Variants in STXBP4 observed in about 807,000 individuals in gnomAD.
STXBP4 encodes syntaxin-binding protein 4.
In STXBP4, 55 loss-of-function variants were observed where a neutral mutation model predicts 76.1. The observed-to-expected ratio is 0.72, with a 90% CI of 0.58 to 0.91. The LOEUF (loss-of-function observed/expected upper bound fraction) is 0.91, where lower values mean the gene tolerates loss of function less well. STXBP4 is among the 40% of genes least tolerant of loss of function. The probability of loss-of-function intolerance (pLI) is 0.00; values close to 1 mark genes in which losing one functional copy is unlikely to be tolerated. For synonymous variants in STXBP4, 201 were observed against 220.2 expected, an observed-to-expected ratio of 0.91 and a Z score of 0.77; for missense variants, 618 against 636.9, an observed-to-expected ratio of 0.97 and a Z score of 0.32.
the STXBP4 span, among the ~76,000 whole-genome samples, chr17:55,195,102 T>A: frequency 1.3e-5 from 2 of 152,172 alleles, no homozygotes; most frequent in Admixed American, 6.6e-5. Context: ...AACATCTAGG[T>A]CACCTTATGG....
intron 12 of STXBP4, among the ~76,000 whole-genome samples, chr17:55,057,242 G>C (rs12450656): frequency 0.011 from 1,742 of 152,272 alleles, 77 homozygotes; most frequent in East Asian, 0.11. Flanking sequence ...GGAGTTAAAA[G>C]TACAGAAAAT....
intron 16 of STXBP4, among the ~76,000 whole-genome samples, chr17:55,095,881 A>C (rs575442801): frequency 2.4e-4 from 36 of 152,240 alleles, no homozygotes; most frequent in African/African-American, 8.2e-4. Flanking sequence ...TTCCTAATAA[A>C]TCCTGTGAGT....
intron 12 of STXBP4, among the ~76,000 whole-genome samples, chr17:55,048,182 G>A (rs1025372765): frequency 2.0e-5 from 3 of 151,800 alleles, no homozygotes; most frequent in African/African-American, 7.2e-5. Context: ...GATCAATAGA[G>A]AATGGATAGA....
At chr17:54,982,875 C>G (rs748391000) in intron 1 of STXBP4, among the ~76,000 whole-genome samples, 2 of 152,150 alleles carry the variant, frequency 1.3e-5, no homozygotes, top group African/African-American at 2.4e-5. Flanking sequence ...TCTCATTCCA[C>G]TTTTTTGGTG....
At chr17:55,003,168 G>A (rs2077947476) in intron 7 of STXBP4, among the ~76,000 whole-genome samples, 1 of 152,136 alleles carries the variant, frequency 6.6e-6, no homozygotes, top group African/African-American at 2.4e-5. Flanking sequence ...ACAAATAAAA[G>A]CATAGAACTA....
chr17:55,164,434 A>ATTTATT lies in STXBP4; in HGVS notation c.*4526_*4527insATTTTT. The ATTTATT allele has an allele frequency of 1.3e-5, 1 of 76,606 alleles. No individual in the cohort carries two copies. The highest frequency in any genetic ancestry group is 2.7e-5 in the Non-Finnish European group (1 of 36,784). 4.7% of individuals were successfully genotyped at this position (76,606 alleles called of 1,614,324 possible). Reference sequence around the variant, plus strand: ...TTCTCTATATCACTCTACCCTGTTTATTTCTTTTTTTTTTTTTTTTTTTTT... The same window carrying ATTTATT: ...TTCTCTATATCACTCTACCCTGTTTATTTATTTTTCTTTTTTTTTTTTTTTTTTTTT... On this transcript the variant is annotated 3_prime_UTR_variant, in exon 18 of 18. Transcript: ENST00000376352.
intron 12 of STXBP4, among the ~76,000 whole-genome samples, chr17:55,050,286 A>G (rs2078843737): frequency 6.6e-6 from 1 of 152,106 alleles, no homozygotes; most frequent in East Asian, 1.9e-4. Context: ...AGAAACCAAA[A>G]TTATATAGAA....
At chr17:55,025,404 TC>T (rs2078393640) in intron 8 of STXBP4, among the ~76,000 whole-genome samples, 1 of 152,122 alleles carries the variant, frequency 6.6e-6, no homozygotes, top group East Asian at 1.9e-4. Context: ...TTCCGGCCCA[TC>T]TATTTATTTC....
At chr17:55,099,702 A>C (rs1284819695) in intron 16 of STXBP4, among the ~76,000 whole-genome samples, 1 of 152,184 alleles carries the variant, frequency 6.6e-6, no homozygotes, top group African/African-American at 2.4e-5. Context: ...ATATTTGTTG[A>C]ATACAATTTA....
intron 17 of STXBP4, among the ~76,000 whole-genome samples, chr17:55,146,034 T>G (rs888336333): frequency 8.5e-5 from 13 of 152,284 alleles, no homozygotes; most frequent in Middle Eastern, 3.4e-3. Context: ...CTGTTACAGA[T>G]TTATAGTAGT....
At chr17:55,204,525 T>C in the STXBP4 span, among the ~76,000 whole-genome samples, 2 of 152,168 alleles carry the variant, frequency 1.3e-5, no homozygotes, top group African/African-American at 4.8e-5. Flanking sequence ...TAATCAGAGC[T>C]ATAAAAGATA....
intron 8 of STXBP4, among the ~76,000 whole-genome samples, chr17:55,011,502 C>CTTTT (rs796486777): frequency 5.8e-5 from 2 of 34,318 alleles, no homozygotes; most frequent in East Asian, 1.6e-3. Flanking sequence ...AGTTTATTTT[C>CTTTT]TTTTTCTTTT....
At chr17:55,084,774 C>G (rs2079302554) in intron 16 of STXBP4, among the ~76,000 whole-genome samples, 1 of 152,096 alleles carries the variant, frequency 6.6e-6, no homozygotes. Context: ...TCAGGTTTGT[C>G]AAAGATCAGA....
At chr17:54,972,591 C>T (rs893335748) in intron 1 of STXBP4, among the ~76,000 whole-genome samples, 9 of 152,278 alleles carry the variant, frequency 5.9e-5, no homozygotes, top group African/African-American at 2.2e-4. Context: ...TCTTTCATCA[C>T]TTCCTTATTT....
intron 8 of STXBP4, among the ~76,000 whole-genome samples, chr17:55,014,653 G>T (rs1315343599): frequency 1.3e-5 from 2 of 152,104 alleles, no homozygotes; most frequent in African/African-American, 4.8e-5. Flanking sequence ...GGCACCTTCA[G>T]TCCTGCTGCT....
chr17:54,972,144 G>T (rs1406241154), intron 1 of STXBP4, among the ~76,000 whole-genome samples: 5 of 152,152 alleles, frequency 3.3e-5, no homozygotes, highest in African/African-American at 1.2e-4. Flanking sequence ...TTAAGATTGG[G>T]TCTGCCAGGT....
intron 10 of STXBP4, among the ~76,000 whole-genome samples, chr17:55,041,156 C>T (rs2078692415): frequency 6.7e-6 from 1 of 149,896 alleles, no homozygotes; most frequent in Non-Finnish European, 1.5e-5. Context: ...TTTATTGTCA[C>T]ATCCCTAAAA....
At chr17:54,973,696 A>G (rs2077431169) in intron 1 of STXBP4, among the ~76,000 whole-genome samples, 1 of 152,232 alleles carries the variant, frequency 6.6e-6, no homozygotes, top group African/African-American at 2.4e-5. Flanking sequence ...AATTGTTACG[A>G]TAACTAATGC....
chr17:55,209,592 C>T, the STXBP4 span, among the ~76,000 whole-genome samples: 1 of 152,200 alleles, frequency 6.6e-6, no homozygotes, highest in Non-Finnish European at 1.5e-5. Flanking sequence ...CAAAATGTAG[C>T]AGACACATGC....
Sources: gnomAD v4.1 joint callset for allele counts (sites outside exome capture counted in the v4.1 genomes callset) on GRCh38, gnomAD v4.1.1 for gene constraint, MANE v1.5 for transcripts, NCBI Gene and HGNC (gene_info 2026-07-23, HGNC 2026-07-21) for gene names.